FAM120A: variants seen among roughly 807,000 people sequenced by gnomAD.
FAM120A encodes the protein constitutive coactivator of PPAR-gamma-like protein 1.
Under a neutral mutation model 109.7 loss-of-function variants are expected in FAM120A, and 15 were observed. That is an observed-to-expected ratio of 0.14 (90% CI 0.09 to 0.21). The LOEUF (loss-of-function observed/expected upper bound fraction) is 0.21, where lower values mean the gene tolerates loss of function less well. Among genes scored for constraint, FAM120A ranks in the 10% least tolerant of loss-of-function variants. The probability of loss-of-function intolerance (pLI) is 1.00; values close to 1 mark genes in which losing one functional copy is unlikely to be tolerated. For missense variants in FAM120A, 899 were observed against 1,439.3 expected (o/e 0.62, Z 6.07); for synonymous variants, 493 against 572.8 (o/e 0.86, Z 1.99).
chr9:93,534,628 TCTC>T (rs1564350006), intron 10 of FAM120A, among the ~76,000 whole-genome samples: 2 of 152,178 alleles, frequency 1.3e-5, no homozygotes, highest in African/African-American at 4.8e-5. Context: ...CCTCTCCTCT[TCTC>T]CTTCTTTTTA....
intron 5 of FAM120A, among the ~76,000 whole-genome samples, chr9:93,508,663 A>T (rs1860173978): frequency 6.6e-6 from 1 of 152,080 alleles, no homozygotes; most frequent in East Asian, 1.9e-4. Context: ...GGCCATGGGG[A>T]TCCTGCCCCT....
intron 5 of FAM120A, among the ~76,000 whole-genome samples, chr9:93,499,199 A>G (rs935559215): frequency 6.6e-6 from 1 of 151,840 alleles, no homozygotes; most frequent in African/African-American, 2.4e-5. Flanking sequence ...TTGCCTGAGG[A>G]CGTAGAAGGG....
chr9:93,519,509 CT>C (rs1252392529), intron 7 of FAM120A, among the ~76,000 whole-genome samples: 1 of 152,092 alleles, frequency 6.6e-6, no homozygotes, highest in African/African-American at 2.4e-5. Flanking sequence ...TCCCAAAGTG[CT>C]GGGATTACAG....
chr9:93,529,418 C>T lies in FAM120A; in HGVS notation c.1572C>T (p.Gly524=), dbSNP rs750275365. The change falls in exon 9 of 18, where the codon GGC becomes GGT. Residue 524 remains glycine, a synonymous_variant. Transcript: ENST00000277165. ...QLAEGKGSQM[G]TVQPIPCLLS... Reference sequence around the variant, plus strand: ...CCGAAGGCAAGGGAAGCCAGATGGGCACTGTCCAGCCAATCCCGTGCCTCC... The same window carrying T: ...CCGAAGGCAAGGGAAGCCAGATGGGTACTGTCCAGCCAATCCCGTGCCTCC... 6.2e-7 allele frequency: 1 copy of T among 1,614,016 alleles called. No homozygotes were observed. The highest frequency in any genetic ancestry group is 2.2e-5 in the East Asian group (1 of 44,884).
intron 15 of FAM120A, among the ~76,000 whole-genome samples, 186 bp downstream of exon 15, chr9:93,558,904 A>G (rs1411740268): frequency 6.6e-6 from 1 of 152,122 alleles, no homozygotes; most frequent in Non-Finnish European, 1.5e-5. Flanking sequence ...AGGTCTCAGC[A>G]GCGGCTCTGC....
Position 93,498,176 on chromosome 9 carries a change from C to T in FAM120A, c.933+577C>T, listed in dbSNP as rs1180723857. Among the ~76,000 whole-genome samples the T allele has an allele frequency of 5.9e-5, 9 of 152,162 alleles. No individual in the cohort carries two copies. The highest frequency in any genetic ancestry group is 1.2e-4 in the Non-Finnish European group (8 of 68,026). ...CTGGGAGGCCGAGGCGGGCGGATCA[C>T]GAGGTCAGGAGTTTGAGACTAGCCT... On this transcript the variant is annotated intron_variant, in intron 4 of 17. Coordinates refer to ENST00000277165, the MANE Select transcript of FAM120A (RefSeq NM_014612.5). The surrounding 1 kb of genome is among the most constrained non-coding windows in gnomAD (Gnocchi z 4.4).
At chr9:93,473,555 A>G (rs1858407260) in intron 2 of FAM120A, among the ~76,000 whole-genome samples, 1 of 152,008 alleles carries the variant, frequency 6.6e-6, no homozygotes, top group Non-Finnish European at 1.5e-5. Flanking sequence ...AGGGCGATCC[A>G]CCTGCCTGAG....
chr9:93,459,677 A>G (rs1857703399), intron 1 of FAM120A, among the ~76,000 whole-genome samples: 1 of 152,206 alleles, frequency 6.6e-6, no homozygotes. Context: ...GTGGCTCTCA[A>G]GTAGGGTTGA....
rs900093406 is a variant in FAM120A at position 93,498,467 on chromosome 9, A to G, written c.934-323A>G. On this transcript the variant is annotated intron_variant, in intron 4 of 17. Transcript: ENST00000277165. The surrounding 1 kb of genome is among the most constrained non-coding windows in gnomAD (Gnocchi z 4.4). Reference sequence around the variant, plus strand: ...TCACTGCCATCCGTTCCCTTGGTACAGATGGCTTGAGATTCCTCTCTGGGC... The same window carrying G: ...TCACTGCCATCCGTTCCCTTGGTACGGATGGCTTGAGATTCCTCTCTGGGC... 2.4e-4 allele frequency among the ~76,000 whole-genome samples: 37 copies of G among 152,360 alleles called. No individual in the cohort carries two copies. Among genetic ancestry groups the G allele is most frequent in the African/African-American group, 8.7e-4 (36 of 41,586 alleles).
At chr9:93,525,971 A>G (rs1020986511) in intron 7 of FAM120A, among the ~76,000 whole-genome samples, 2 of 152,138 alleles carry the variant, frequency 1.3e-5, no homozygotes, top group African/African-American at 4.8e-5. Context: ...CCTTTTTTTA[A>G]AAGACAGAAC....
chr9:93,480,683 C>T (rs1055351338), intron 3 of FAM120A, among the ~76,000 whole-genome samples: 15 of 151,932 alleles, frequency 9.9e-5, no homozygotes, highest in African/African-American at 2.9e-4. Context: ...CTCATTTCCT[C>T]GCTCATTTAA....
At chr9:93,524,643 C>T (rs1399316856) in intron 7 of FAM120A, among the ~76,000 whole-genome samples, 5 of 152,212 alleles carry the variant, frequency 3.3e-5, no homozygotes, top group Admixed American at 2.0e-4. Context: ...GTAGCGTCGG[C>T]TCGGCTCTGC....
intron 5 of FAM120A, among the ~76,000 whole-genome samples, chr9:93,503,619 A>G (rs1304283252): frequency 6.6e-6 from 1 of 152,094 alleles, no homozygotes; most frequent in Non-Finnish European, 1.5e-5. Context: ...CAGTGAAACT[A>G]TTCTGTATGA....
At position 93,556,563 on chromosome 9, in the gene FAM120A, C is replaced by T; in HGVS notation, c.2456C>T (p.Thr819Ile). Reference sequence around the variant, plus strand: ...CTCCTCAAAGCCAGCCGGGAAAAGACCCCACTCATTGACCTCTGTGATGGT... The same window carrying T: ...CTCCTCAAAGCCAGCCGGGAAAAGATCCCACTCATTGACCTCTGTGATGGT... Reference protein sequence around the residue: ...SKLLKASREKTPLIDLCDGQA... With the variant: ...SKLLKASREKIPLIDLCDGQA... The change falls in exon 13 of 18, where the codon ACC becomes ATC. Residue 819 changes from threonine (T) to isoleucine (I), a missense_variant. Physicochemically the swap from Thr to Ile is moderately conservative, Grantham distance 89. This residue lies in a region of FAM120A where 31 missense variants were observed against 73.0 expected (regional missense o/e 0.42). Coordinates refer to ENST00000277165, the MANE Select transcript of FAM120A (RefSeq NM_014612.5). The T allele has an allele frequency of 6.2e-7, 1 of 1,614,206 alleles. No homozygotes were observed.
chr9:93,458,609 G>C (rs1400230296), intron 1 of FAM120A, among the ~76,000 whole-genome samples: 1 of 152,120 alleles, frequency 6.6e-6, no homozygotes. Flanking sequence ...ACCCTTCAGT[G>C]GGTTGTGAAA....
chr9:93,538,751 T>C (rs1187017048), intron 10 of FAM120A, among the ~76,000 whole-genome samples: 1 of 152,216 alleles, frequency 6.6e-6, no homozygotes, highest in Non-Finnish European at 1.5e-5. Context: ...AAATGAACCA[T>C]GTATATTATT....
At chr9:93,485,190 A>G (rs930155041) in intron 3 of FAM120A, among the ~76,000 whole-genome samples, 11 of 152,042 alleles carry the variant, frequency 7.2e-5, no homozygotes, top group Admixed American at 5.9e-4. Flanking sequence ...CAACCTAGAG[A>G]ATATCACCCT....
In FAM120A at chr9:93,497,533, T is replaced by C; in HGVS notation, c.867T>C (p.Tyr289=). The C allele has an allele frequency of 7.4e-6, 12 of 1,613,672 alleles. No homozygotes were observed. Among genetic ancestry groups the C allele is most frequent in the Non-Finnish European group, 9.3e-6 (11 of 1,179,850 alleles). ...TAGTGATCAAAGCCGTTGCTGACTA[T>C]GTACGCAACATTCAGGACACCTCTG... The part of the protein sequence containing the change: ...CDVVIKAVAD[Y]VRNIQDTSDL... The change falls in exon 4 of 18, where the codon TAT becomes TAC. Residue 289 remains tyrosine, a synonymous_variant. Transcript: ENST00000277165.
intron 7 of FAM120A, 62 bp downstream of exon 7, chr9:93,516,331 C>T: frequency 6.3e-7 from 1 of 1,589,904 alleles, no homozygotes; most frequent in South Asian, 1.2e-5. Flanking sequence ...AAGCTGCCTT[C>T]TGGCCTGCCA....
Sources: gnomAD v4.1 joint callset for allele counts (sites outside exome capture counted in the v4.1 genomes callset) on GRCh38, gnomAD v4.1.1 for gene constraint, gnomAD v4.1.1 regional missense constraint, Gnocchi (gnomAD v3.1) non-coding constraint, MANE v1.5 for transcripts, NCBI Gene and HGNC (gene_info 2026-07-23, HGNC 2026-07-21) for gene names.